HS3ST5: variants seen among roughly 807,000 people sequenced by gnomAD.
The protein encoded by HS3ST5 is heparan sulfate-glucosamine 3-sulfotransferase 5.
Under a neutral mutation model 25.4 loss-of-function variants are expected in HS3ST5, and 10 were observed. The observed-to-expected ratio is 0.39, with a 90% CI of 0.24 to 0.67. HS3ST5 has a LOEUF of 0.67. HS3ST5 is among the 30% of genes least tolerant of loss of function. The pLI is 0.44. For missense variants in HS3ST5, 324 were observed against 420.7 expected (o/e 0.77, Z 2.01); for synonymous variants, 170 against 162.4 (o/e 1.05, Z -0.36).
chr6:114,140,381 T>C (rs1256713912), intron 3 of HS3ST5, among the ~76,000 whole-genome samples: 1 of 152,224 alleles, frequency 6.6e-6, no homozygotes, highest in Non-Finnish European at 1.5e-5. Flanking sequence ...TGTTAAAAAG[T>C]TTATTTAAAC....
chr6:114,139,559 C>T (rs1420347190), intron 3 of HS3ST5, among the ~76,000 whole-genome samples: 1 of 152,032 alleles, frequency 6.6e-6, no homozygotes, highest in East Asian at 1.9e-4. Flanking sequence ...TTGCTAAATT[C>T]AGAAGGAAGG....
intron 1 of HS3ST5, among the ~76,000 whole-genome samples, chr6:114,264,734 C>A (rs1365853740): frequency 2.0e-5 from 3 of 152,034 alleles, no homozygotes; most frequent in African/African-American, 7.2e-5. Context: ...TATGGGATGC[C>A]TTGAAAGTCC....
At chr6:114,132,507 C>T (rs1777387825) in intron 3 of HS3ST5, among the ~76,000 whole-genome samples, 1 of 152,210 alleles carries the variant, frequency 6.6e-6, no homozygotes, top group Non-Finnish European at 1.5e-5. Flanking sequence ...GCAGGGCAGG[C>T]ATTTTCCAGA....
chr6:114,174,699 T>C (rs1342650034), intron 2 of HS3ST5, among the ~76,000 whole-genome samples: 2 of 152,024 alleles, frequency 1.3e-5, no homozygotes, highest in South Asian at 2.1e-4. Context: ...CCTATCTCTA[T>C]AAAGCAAAAT....
At chr6:114,333,900 T>C (rs532323997) in intron 1 of HS3ST5, among the ~76,000 whole-genome samples, 1 of 152,234 alleles carries the variant, frequency 6.6e-6, no homozygotes, top group African/African-American at 2.4e-5. Context: ...AATTGAACCA[T>C]AGTTAAGTAA....
At chr6:114,207,111 C>T (rs1008580272) in intron 2 of HS3ST5, among the ~76,000 whole-genome samples, 2 of 152,204 alleles carry the variant, frequency 1.3e-5, no homozygotes, top group Non-Finnish European at 2.9e-5. Flanking sequence ...ATTCCTCCTA[C>T]ATGGTAGCCA....
intron 1 of HS3ST5, among the ~76,000 whole-genome samples, chr6:114,325,649 A>C (rs1482950445): frequency 6.6e-6 from 1 of 152,152 alleles, no homozygotes; most frequent in African/African-American, 2.4e-5. Flanking sequence ...TAAGATAAAC[A>C]CACACACAAA....
intron 3 of HS3ST5, among the ~76,000 whole-genome samples, chr6:114,122,585 C>T (rs539305936): frequency 6.6e-6 from 1 of 152,298 alleles, no homozygotes; most frequent in African/African-American, 2.4e-5. Context: ...TTCCCTCTTA[C>T]ATTCATAGCA....
Position 114,056,953 on chromosome 6 carries a change from A to C in HS3ST5, c.*304T>G. On this transcript the variant is annotated 3_prime_UTR_variant, in exon 5 of 5. Coordinates refer to ENST00000312719, the MANE Select transcript of HS3ST5 (RefSeq NM_153612.4). Reference sequence around the variant, plus strand: ...TAAATCTATGAAAATGGCGGGTGACAAATTCTGAATCAAAGGAAGACTAAC... The same window carrying C: ...TAAATCTATGAAAATGGCGGGTGACCAATTCTGAATCAAAGGAAGACTAAC... 1 of 257,702 alleles carries C rather than the reference A, an allele frequency of 3.9e-6. No individual in the cohort carries two copies. The highest frequency in any genetic ancestry group is 7.3e-6 in the Non-Finnish European group (1 of 136,702). 16.0% of individuals were successfully genotyped at this position (257,702 alleles called of 1,614,324 possible).
chr6:114,143,489 T>A (rs1419474156), intron 3 of HS3ST5: 1 of 152,216 alleles, frequency 6.6e-6, no homozygotes, highest in East Asian at 1.9e-4. Flanking sequence ...ATCATTACTA[T>A]TCCAATACTA....
Position 114,314,503 on chromosome 6 carries a change from T to A in HS3ST5, c.-339+27692A>T, listed in dbSNP as rs574077149. ...ATTTAATGGTTAATGAAGTTTAACG[T>A]TTGGAGTAATTTTTTGAAAAAACAA... is the stretch of plus-strand genomic sequence containing the variant. On this transcript the variant is annotated intron_variant, in intron 1 of 4. Coordinates refer to ENST00000312719, the MANE Select transcript of HS3ST5 (RefSeq NM_153612.4). 9.9e-5 allele frequency among the ~76,000 whole-genome samples: 15 copies of A among 152,260 alleles called. No homozygotes were observed. In the East Asian group the frequency reaches 2.9e-3, roughly 29 times the overall value.
intron 1 of HS3ST5, among the ~76,000 whole-genome samples, chr6:114,303,445 T>G (rs558998177): frequency 7.2e-6 from 1 of 139,638 alleles, no homozygotes; most frequent in African/African-American, 2.8e-5. Context: ...AAGCAAAATA[T>G]ATCATACTGT....
intron 3 of HS3ST5, among the ~76,000 whole-genome samples, chr6:114,156,199 T>C (rs888312100): frequency 4.6e-5 from 7 of 152,180 alleles, no homozygotes; most frequent in African/African-American, 1.7e-4. Context: ...TTCCACATCC[T>C]ATTCTTTCCC....
intron 2 of HS3ST5, among the ~76,000 whole-genome samples, chr6:114,172,005 A>G (rs1367706670): frequency 6.6e-6 from 1 of 152,168 alleles, no homozygotes; most frequent in Non-Finnish European, 1.5e-5. Context: ...TTCTCCAACA[A>G]ACCTCTATGG....
At chr6:114,293,145 G>A (rs949959907) in intron 1 of HS3ST5, among the ~76,000 whole-genome samples, 2 of 152,074 alleles carry the variant, frequency 1.3e-5, no homozygotes, top group Admixed American at 1.3e-4. Flanking sequence ...ATGGGATAGA[G>A]GAGTGGTGTC....
At position 114,205,130 on chromosome 6, in the gene HS3ST5, C is replaced by T. The variant is rs574160793; in HGVS notation, c.-145+23455G>A. Among the ~76,000 whole-genome samples, 52 of 152,076 alleles carry T rather than the reference C, an allele frequency of 3.4e-4. 1 individual carries two copies. The highest frequency in any genetic ancestry group is 3.2e-3 in the Admixed American group (49 of 15,260). ...TTTAATTCAATTTTGATACTAACTA[C>T]GTAGAATTCGTGCAGATCCCACACG... On this transcript the variant is annotated intron_variant, in intron 2 of 4. Coordinates refer to ENST00000312719, the MANE Select transcript of HS3ST5 (RefSeq NM_153612.4).
Position 114,328,261 on chromosome 6 carries a change from AGAAG to A in HS3ST5, c.-339+13930_-339+13933del, listed in dbSNP as rs926841466. ...AGGAAGGAAAGAAGGAAGGAAGGAA[AGAAG>A]GAAGGAAGGAAGGGTAGCGATAGTG... On this transcript the variant is annotated intron_variant, in intron 1 of 4. Transcript: ENST00000312719. Among the ~76,000 whole-genome samples the A allele has an allele frequency of 3.4e-5, 5 of 147,304 alleles. 1 individual carries two copies. Among genetic ancestry groups the A allele is most frequent in the South Asian group, 4.3e-4 (2 of 4,616 alleles).
At chr6:114,128,916 C>T (rs1027505513) in intron 3 of HS3ST5, among the ~76,000 whole-genome samples, 1 of 152,292 alleles carries the variant, frequency 6.6e-6, no homozygotes, top group African/African-American at 2.4e-5. Flanking sequence ...GCTGCTAAGG[C>T]TTGTCATTGT....
At chr6:114,168,999 T>C (rs1471520510) in intron 2 of HS3ST5, among the ~76,000 whole-genome samples, 1 of 152,024 alleles carries the variant, frequency 6.6e-6, no homozygotes, top group Non-Finnish European at 1.5e-5. Flanking sequence ...AGCTGCAGAG[T>C]ACATGTTTGG....
Sources: allele counts gnomAD v4.1 joint callset (sites outside exome capture counted in the v4.1 genomes callset), GRCh38; gene constraint gnomAD v4.1.1; transcripts MANE v1.5; gene names NCBI Gene and HGNC (gene_info 2026-07-23, HGNC 2026-07-21).